The following RABGAP1L variants were observed in gnomAD, a reference collection of about 807,000 sequenced individuals.
The protein encoded by RABGAP1L is rab GTPase-activating protein 1-like.
In RABGAP1L, 63 loss-of-function variants were observed where a neutral mutation model predicts 137.7. That is an observed-to-expected ratio of 0.46 (90% CI 0.37 to 0.56). RABGAP1L has a LOEUF of 0.56. RABGAP1L is among the 20% of genes least tolerant of loss of function. RABGAP1L has a pLI of 0.00. For synonymous variants in RABGAP1L, 431 were observed against 433.7 expected (o/e 0.99, Z 0.08); for missense variants, 1,095 against 1,244.0 (o/e 0.88, Z 1.80).
intron 6 of RABGAP1L, among the ~76,000 whole-genome samples, chr1:174,251,418 A>T (rs982841438): frequency 1.3e-5 from 2 of 152,108 alleles, no homozygotes; most frequent in African/African-American, 4.8e-5. Flanking sequence ...TAGACAGTTA[A>T]TAGGAAACAG....
intron 19 of RABGAP1L, among the ~76,000 whole-genome samples, chr1:174,855,134 A>C (rs776523646): frequency 3.3e-5 from 5 of 152,190 alleles, no homozygotes; most frequent in Non-Finnish European, 7.3e-5. Context: ...AACAAATTAC[A>C]TAAAATCAGG....
At chr1:174,244,204 G>C (rs1164858133) in intron 5 of RABGAP1L, 1 of 152,238 alleles carries the variant, frequency 6.6e-6, no homozygotes, top group East Asian at 1.9e-4. Context: ...ACAGTTGGCA[G>C]ATAGTTCAGG....
At chr1:174,238,547 T>C (rs554362268) in intron 4 of RABGAP1L, among the ~76,000 whole-genome samples, 774 of 151,982 alleles carry the variant, frequency 5.1e-3, no homozygotes, top group Middle Eastern at 0.017. Context: ...TCAGTGTGCC[T>C]CTGCTGGGGG....
chr1:174,492,523 T>C (rs889727580), intron 13 of RABGAP1L, among the ~76,000 whole-genome samples: 3 of 152,068 alleles, frequency 2.0e-5, no homozygotes, highest in African/African-American at 7.2e-5. Flanking sequence ...AGTTCTTTTG[T>C]AATTTTAGTA....
intron 19 of RABGAP1L, among the ~76,000 whole-genome samples, chr1:174,946,468 A>G (rs930054494): frequency 1.3e-5 from 2 of 152,106 alleles, no homozygotes; most frequent in African/African-American, 4.8e-5. Context: ...GTGAGACCCA[A>G]TCTCTTAAAA....
chr1:174,752,278 G>A, intron 17 of RABGAP1L, 35 bp from the exon 18 acceptor site: 1 of 1,457,512 alleles, frequency 6.9e-7, no homozygotes, highest in Non-Finnish European at 9.4e-7. Context: ...GATACATGTG[G>A]CAGTACTAAT....
At chr1:174,232,017 T>C (rs1339460689) in intron 4 of RABGAP1L, among the ~76,000 whole-genome samples, 1 of 152,176 alleles carries the variant, frequency 6.6e-6, no homozygotes, top group Non-Finnish European at 1.5e-5. Context: ...TAAAAATACT[T>C]GTAATATTTA....
chr1:174,206,730 C>T (rs941549342), intron 1 of RABGAP1L, among the ~76,000 whole-genome samples: 25 of 152,244 alleles, frequency 1.6e-4, no homozygotes, highest in Admixed American at 1.4e-3. Context: ...TGCACACTTT[C>T]GAATATGTTA....
At chr1:174,340,589 C>T (rs1480782623) in intron 11 of RABGAP1L, among the ~76,000 whole-genome samples, 1 of 152,168 alleles carries the variant, frequency 6.6e-6, no homozygotes, top group Non-Finnish European at 1.5e-5. Context: ...CATGTTCCTA[C>T]AAAGGACATG....
intron 24 of RABGAP1L, 50 bp downstream of exon 24, chr1:174,982,955 G>T (rs921456698): frequency 6.5e-7 from 1 of 1,530,714 alleles, no homozygotes; most frequent in Non-Finnish European, 8.9e-7. Flanking sequence ...AGTCACACAG[G>T]CTTGTAAGTA....
chr1:174,979,881 GAATT>G (rs2149383702), intron 23 of RABGAP1L, among the ~76,000 whole-genome samples: 1 of 152,260 alleles, frequency 6.6e-6, no homozygotes, highest in South Asian at 2.1e-4. Context: ...CAGGTTTCTA[GAATT>G]AATTAAAGTA....
chr1:174,605,506 C>CT (rs901821537), intron 13 of RABGAP1L, among the ~76,000 whole-genome samples: 35 of 148,462 alleles, frequency 2.4e-4, no homozygotes, highest in African/African-American at 4.9e-4. Flanking sequence ...CTTGTAAAGC[C>CT]TTTTTTTTTT....
chr1:174,849,185 C>G (rs1009363758), intron 19 of RABGAP1L, among the ~76,000 whole-genome samples: 1 of 152,150 alleles, frequency 6.6e-6, no homozygotes, highest in South Asian at 2.1e-4. Flanking sequence ...AATCACCCGT[C>G]TTCTGCGTGG....
intron 11 of RABGAP1L, among the ~76,000 whole-genome samples, chr1:174,349,868 C>CT (rs1239142285): frequency 6.9e-6 from 1 of 144,634 alleles, no homozygotes; most frequent in Non-Finnish European, 1.5e-5. Flanking sequence ...CGCTGACCCC[C>CT]CCACCTCCCT....
Position 174,982,817 on chromosome 1 carries a change from T to A in RABGAP1L, c.2734-17T>A. On this transcript the variant is annotated splice_polypyrimidine_tract_variant and intron_variant, in intron 23 of 25. Coordinates refer to ENST00000681986, the MANE Select transcript of RABGAP1L (RefSeq NM_001366446.1). Reference sequence around the variant, plus strand: ...GTTGTTCTGTTTTCTAGTAAAAGACTCTTTTCTCATCCTTAGATCTGTTCG... The same window carrying A: ...GTTGTTCTGTTTTCTAGTAAAAGACACTTTTCTCATCCTTAGATCTGTTCG... 1.3e-6 allele frequency: 2 copies of A among 1,549,974 alleles called. No individual in the cohort carries two copies. The highest frequency in any genetic ancestry group is 2.4e-5 in the South Asian group (2 of 84,036).
At chr1:174,705,664 C>G (rs986883200) in intron 17 of RABGAP1L, 2 of 152,054 alleles carry the variant, frequency 1.3e-5, no homozygotes, top group Non-Finnish European at 2.9e-5. Context: ...TTGTAGTGTG[C>G]CTCAGGATAT....
At chr1:174,931,779 TA>T (rs1038717120) in intron 19 of RABGAP1L, among the ~76,000 whole-genome samples, 15 of 152,094 alleles carry the variant, frequency 9.9e-5, no homozygotes, top group African/African-American at 2.6e-4. Flanking sequence ...ATATTTCACC[TA>T]AAAAAATTAA....
chr1:174,585,267 G>GCTACT (rs1669031436), intron 13 of RABGAP1L, among the ~76,000 whole-genome samples: 1 of 152,072 alleles, frequency 6.6e-6, no homozygotes, highest in Non-Finnish European at 1.5e-5. Flanking sequence ...CAATACTGCA[G>GCTACT]CTACTCTACC....
intron 19 of RABGAP1L, among the ~76,000 whole-genome samples, chr1:174,943,897 C>T (rs2149300636): frequency 6.6e-6 from 1 of 152,280 alleles, no homozygotes; most frequent in African/African-American, 2.4e-5. Flanking sequence ...TGCCTTTGTT[C>T]CAGGACGGCT....
Sources: gnomAD v4.1 joint callset for allele counts (sites outside exome capture counted in the v4.1 genomes callset) on GRCh38, gnomAD v4.1.1 for gene constraint, MANE v1.5 for transcripts, NCBI Gene and HGNC (gene_info 2026-07-23, HGNC 2026-07-21) for gene names.